Variants in YEATS2 observed in about 807,000 individuals in gnomAD.
YEATS2 encodes the protein YEATS domain-containing protein 2.
YEATS2 carries 77 observed loss-of-function variants against 163.2 expected under a neutral mutation model. The observed-to-expected ratio is 0.47, with a 90% CI of 0.39 to 0.57. The LOEUF (loss-of-function observed/expected upper bound fraction) is 0.57, where lower values mean the gene tolerates loss of function less well. YEATS2 is among the 20% of genes least tolerant of loss of function. The probability of loss-of-function intolerance (pLI) is 0.00; values close to 1 mark genes in which losing one functional copy is unlikely to be tolerated. For synonymous variants in YEATS2, 631 were observed against 645.1 expected (o/e 0.98, Z 0.33); for missense variants, 1,549 against 1,729.8 (o/e 0.90, Z 1.85).
At chr3:183,734,775 G>A (rs1309331266) in intron 7 of YEATS2, among the ~76,000 whole-genome samples, 1 of 152,128 alleles carries the variant, frequency 6.6e-6, no homozygotes, top group Non-Finnish European at 1.5e-5. Context: ...AATTAGTCGA[G>A]CAGGGAGCTG....
chr3:183,754,660 G>C (rs939639644), intron 11 of YEATS2, among the ~76,000 whole-genome samples: 2 of 152,140 alleles, frequency 1.3e-5, no homozygotes, highest in Non-Finnish European at 2.9e-5. Flanking sequence ...CTAAGGTGTA[G>C]GAATCGTGTT....
intron 4 of YEATS2, among the ~76,000 whole-genome samples, chr3:183,719,419 G>A (rs558921354): frequency 3.3e-5 from 5 of 152,308 alleles, no homozygotes; most frequent in African/African-American, 7.2e-5. Context: ...TTACAGGCGT[G>A]AGCCACCGGG....
rs1380628319 is a variant in YEATS2, at chr3:183,758,854, C to T, written c.1553-8C>T. The T allele has an allele frequency of 6.4e-7, 1 of 1,553,832 alleles. No individual in the cohort carries two copies. The highest frequency in any genetic ancestry group is 8.8e-7 in the Non-Finnish European group (1 of 1,139,342). ...TTGTTTATGTTTTAATTGTGCCTTG[C>T]TTATCAGGAAGTCCTACAAACAAGA... On this transcript the variant is annotated splice_region_variant and splice_polypyrimidine_tract_variant and intron_variant, in intron 12 of 30. Transcript: ENST00000305135.
rs1322054406 is a variant in YEATS2, at chr3:183,801,541, C to T, written c.3502+13C>T. The T allele has an allele frequency of 6.3e-7, 1 of 1,595,866 alleles. No individual in the cohort carries two copies. Among genetic ancestry groups the T allele is most frequent in the East Asian group, 2.2e-5 (1 of 44,620 alleles). On this transcript the variant is annotated intron_variant, in intron 25 of 30. Transcript: ENST00000305135. The stretch of plus-strand genomic sequence containing the variant: ...ATCACTGCAAAAAGTAAGACAATTA[C>T]ACTGAATATAGGGGTGCATTTTTGA...
At chr3:183,803,434 C>T in intron 26 of YEATS2, 99 bp downstream of exon 26, 1 of 1,159,154 alleles carries the variant, frequency 8.6e-7, no homozygotes, top group Non-Finnish European at 1.2e-6. Flanking sequence ...TATTTGATGG[C>T]AGAATATTTT....
intron 9 of YEATS2, among the ~76,000 whole-genome samples, chr3:183,748,958 C>T (rs890775509): frequency 6.6e-6 from 1 of 151,732 alleles, no homozygotes; most frequent in African/African-American, 2.4e-5. Flanking sequence ...TATATATTTT[C>T]TTGAGACAGA....
chr3:183,793,607 T>TTA, intron 21 of YEATS2: 4 of 203,556 alleles, frequency 2.0e-5, no homozygotes, highest in Non-Finnish European at 3.0e-5. Flanking sequence ...TTTTCTTTCT[T>TTA]TCTTTTTTTT....
At chr3:183,776,810 G>T (rs113892913) in intron 18 of YEATS2, among the ~76,000 whole-genome samples, 5 of 152,028 alleles carry the variant, frequency 3.3e-5, no homozygotes, top group Admixed American at 2.6e-4. Flanking sequence ...AAATCAGTCG[G>T]GTGTGGTGGT....
intron 15 of YEATS2, among the ~76,000 whole-genome samples, chr3:183,769,971 C>A (rs1279615681): frequency 6.6e-6 from 1 of 151,722 alleles, no homozygotes; most frequent in Non-Finnish European, 1.5e-5. Context: ...AGGCGCGAGC[C>A]ACCATACCCA....
At chr3:183,722,918 C>G (rs1349231681) in intron 5 of YEATS2, among the ~76,000 whole-genome samples, 1 of 152,210 alleles carries the variant, frequency 6.6e-6, no homozygotes, top group Non-Finnish European at 1.5e-5. Flanking sequence ...TCTCAAAGTG[C>G]TGGGATTACA....
At chr3:183,776,462 T>C (rs1024425802) in intron 18 of YEATS2, among the ~76,000 whole-genome samples, 2 of 152,106 alleles carry the variant, frequency 1.3e-5, no homozygotes, top group Non-Finnish European at 2.9e-5. Context: ...GAGGATTGCT[T>C]GAACCTGGGA....
At chr3:183,808,934 A>C in intron 29 of YEATS2, 163 bp from the exon 30 acceptor site, 4 of 569,236 alleles carry the variant, frequency 7.0e-6, no homozygotes, top group Admixed American at 3.0e-5. Flanking sequence ...CATGGCCTTT[A>C]TCATTATGGT....
At chr3:183,708,045 T>C (rs1315043571) in intron 1 of YEATS2, among the ~76,000 whole-genome samples, 1 of 152,062 alleles carries the variant, frequency 6.6e-6, no homozygotes, top group African/African-American at 2.4e-5. Flanking sequence ...GGTTCTGATA[T>C]TCAAATGATG....
intron 1 of YEATS2, among the ~76,000 whole-genome samples, chr3:183,703,062 T>G (rs967184071): frequency 6.6e-6 from 1 of 152,120 alleles, no homozygotes; most frequent in African/African-American, 2.4e-5. Flanking sequence ...AAAGTTGGTG[T>G]TTTTGACCTG....
chr3:183,735,455 T>G (rs148932381), intron 7 of YEATS2, among the ~76,000 whole-genome samples: 2 of 152,310 alleles, frequency 1.3e-5, no homozygotes, highest in African/African-American at 4.8e-5. Flanking sequence ...CAGGGCACTC[T>G]AGTTTTCTTT....
In YEATS2 at chr3:183,728,810, C is replaced by T. The variant is rs1186573481; in HGVS notation, c.771C>T (p.Phe257=). 7 of 1,614,110 alleles carry T rather than the reference C, an allele frequency of 4.3e-6. No individual in the cohort carries two copies. Among genetic ancestry groups the T allele is most frequent in the South Asian group, 1.1e-5 (1 of 91,076 alleles). Residue 257 remains phenylalanine (F), a synonymous_variant, in exon 7 of 31, where the codon TTC becomes TTT. Coordinates refer to ENST00000305135, the MANE Select transcript of YEATS2 (RefSeq NM_018023.5). The part of the protein sequence containing the change: ...INHFVKKVWF[F]LHPSYKPNDL... ...ATTTTGTCAAGAAGGTTTGGTTCTTCCTTCATCCTAGCTATAAACCAAATG... is the reference window on the plus strand; with the variant it reads ...ATTTTGTCAAGAAGGTTTGGTTCTTTCTTCATCCTAGCTATAAACCAAATG...
rs751747943 is a variant in YEATS2, at chr3:183,756,467, A to G, written c.1391-61A>G. Reference sequence around the variant, plus strand: ...ACTGACCTTCTTCCTTGTCCTCGACATCTTCTTACGTGAGTTGAATATGTG... The same window carrying G: ...ACTGACCTTCTTCCTTGTCCTCGACGTCTTCTTACGTGAGTTGAATATGTG... On this transcript the variant is annotated intron_variant, in intron 11 of 30. Coordinates refer to ENST00000305135, the MANE Select transcript of YEATS2 (RefSeq NM_018023.5). 5.5e-6 allele frequency: 8 copies of G among 1,442,054 alleles called. No individual in the cohort carries two copies. The African/African-American group carries it at 1.2e-4, about 21-fold the overall frequency. 89.3% of individuals were successfully genotyped at this position (1,442,054 alleles called of 1,614,324 possible). A position where few individuals can be genotyped will look rare whatever the true frequency, so the allele number is the denominator to read the frequency against.
At chr3:183,704,760 C>T (rs1230324375) in intron 1 of YEATS2, among the ~76,000 whole-genome samples, 1 of 151,990 alleles carries the variant, frequency 6.6e-6, no homozygotes, top group Non-Finnish European at 1.5e-5. Context: ...TCCCAAGTAG[C>T]TGGGATTACA....
At chr3:183,700,864 A>G (rs558245032) in intron 1 of YEATS2, among the ~76,000 whole-genome samples, 1 of 151,516 alleles carries the variant, frequency 6.6e-6, no homozygotes, top group South Asian at 2.1e-4. Flanking sequence ...AAGTTTATCC[A>G]CACAAAAAGT....
Sources: allele counts gnomAD v4.1 joint callset (sites outside exome capture counted in the v4.1 genomes callset), GRCh38; gene constraint gnomAD v4.1.1; transcripts MANE v1.5; gene names NCBI Gene and HGNC (gene_info 2026-07-23, HGNC 2026-07-21).